SMPD3: variants seen among roughly 807,000 people sequenced by gnomAD.
SMPD3 encodes nSMase-2.
SMPD3 carries 21 observed loss-of-function variants against 55.7 expected under a neutral mutation model. The ratio of observed to expected loss-of-function variants is 0.38; its 90% CI spans 0.27 to 0.54. The LOEUF (loss-of-function observed/expected upper bound fraction) is 0.54, where lower values mean the gene tolerates loss of function less well. Among genes scored for constraint, SMPD3 ranks in the 20% least tolerant of loss-of-function variants. The pLI is 0.80. For missense variants in SMPD3, 842 were observed against 899.6 expected (o/e 0.94, Z 0.82); for synonymous variants, 457 against 404.3 (o/e 1.13, Z -1.56).
At chr16:68,420,905 G>A (rs960067528) in intron 1 of SMPD3, among the ~76,000 whole-genome samples, 2 of 152,294 alleles carry the variant, frequency 1.3e-5, no homozygotes, top group South Asian at 2.1e-4. Flanking sequence ...AGACCAAATC[G>A]CTCCCTCAGC....
At chr16:68,440,303 C>T (rs1266021027) in intron 1 of SMPD3, among the ~76,000 whole-genome samples, 1 of 152,130 alleles carries the variant, frequency 6.6e-6, no homozygotes, top group Non-Finnish European at 1.5e-5. Flanking sequence ...CTCAGGTGAT[C>T]CTCCCACCTC....
At chr16:68,433,082 G>A (rs185831333) in intron 1 of SMPD3, among the ~76,000 whole-genome samples, 1 of 152,290 alleles carries the variant, frequency 6.6e-6, no homozygotes, top group Admixed American at 6.5e-5. Context: ...GGGATTACAG[G>A]CATGAGCCAC....
At chr16:68,396,705 C>T (rs2090160737) in intron 1 of SMPD3, among the ~76,000 whole-genome samples, 1 of 152,212 alleles carries the variant, frequency 6.6e-6, no homozygotes. Context: ...CCAGAAGGTT[C>T]GATTCCCTTT....
rs750082736 is a variant in SMPD3 at position 68,361,156 on chromosome 16, G to A, written c.*50C>T. On this transcript the variant is annotated 3_prime_UTR_variant, in exon 9 of 9. Coordinates refer to ENST00000219334, the MANE Select transcript of SMPD3 (RefSeq NM_018667.4). ...CTCGATGGAGGGGACATGGCCCAGG[G>A]ATGGGCTGCAGCTGCAAGGGCTGGC... 1.3e-6 allele frequency: 2 copies of A among 1,546,718 alleles called. No individual in the cohort carries two copies. The highest frequency in any genetic ancestry group is 2.3e-5 in the South Asian group (2 of 87,364).
At chr16:68,402,576 A>C (rs1366611790) in intron 1 of SMPD3, among the ~76,000 whole-genome samples, 2 of 151,980 alleles carry the variant, frequency 1.3e-5, no homozygotes, top group Non-Finnish European at 2.9e-5. Context: ...CTGAATGTTC[A>C]AGTTTATCCT....
intron 1 of SMPD3, among the ~76,000 whole-genome samples, chr16:68,418,295 A>T (rs756727706): frequency 1.3e-5 from 2 of 151,896 alleles, no homozygotes; most frequent in African/African-American, 4.8e-5. Context: ...TCAAATACCC[A>T]CAAGAGAAAT....
chr16:68,444,785 C>G (rs1224111511), intron 1 of SMPD3, among the ~76,000 whole-genome samples: 1 of 152,178 alleles, frequency 6.6e-6, no homozygotes, highest in Non-Finnish European at 1.5e-5. Context: ...ATTTATGAGG[C>G]AATTTAGCTT....
intron 1 of SMPD3, among the ~76,000 whole-genome samples, chr16:68,445,113 G>T (rs1343690147): frequency 2.6e-5 from 4 of 152,246 alleles, no homozygotes; most frequent in African/African-American, 9.6e-5. Flanking sequence ...GGCCTGGAAA[G>T]CCGTATTTGC....
chr16:68,360,951 T>A lies in SMPD3; in HGVS notation c.*255A>T, dbSNP rs1250925353. ...TTACAAACTCGGTTGTGCTGTAGAT[T>A]TGTAGAAAATCGTGTTGTGAAAGAA... On this transcript the variant is annotated 3_prime_UTR_variant, in exon 9 of 9. Transcript: ENST00000219334. 1 of 489,612 alleles carries A rather than the reference T, an allele frequency of 2.0e-6. No individual in the cohort carries two copies. Among genetic ancestry groups the A allele is most frequent in the Admixed American group, 3.8e-5 (1 of 26,590 alleles). The allele number at this position is 489,612 out of a possible 1,614,324, so 30.3% of individuals were successfully genotyped here.
chr16:68,422,542 G>A (rs903311317), intron 1 of SMPD3, among the ~76,000 whole-genome samples: 4 of 152,174 alleles, frequency 2.6e-5, no homozygotes, highest in African/African-American at 9.7e-5. Flanking sequence ...AACAGTACAG[G>A]CCCAGCTGCT....
At chr16:68,400,079 G>A (rs1338641334) in intron 1 of SMPD3, among the ~76,000 whole-genome samples, 4 of 152,238 alleles carry the variant, frequency 2.6e-5, no homozygotes, top group African/African-American at 9.6e-5. Flanking sequence ...CAGTGGAGGA[G>A]CTGGGATTTG....
At chr16:68,366,174 G>A (rs781351554) in intron 3 of SMPD3, among the ~76,000 whole-genome samples, 5 of 152,252 alleles carry the variant, frequency 3.3e-5, no homozygotes, top group Admixed American at 2.0e-4. Flanking sequence ...GCAGAGGGCC[G>A]CAGGGTGGGT....
At chr16:68,385,702 G>T (rs1352331687) in intron 2 of SMPD3, among the ~76,000 whole-genome samples, 1 of 152,144 alleles carries the variant, frequency 6.6e-6, no homozygotes, top group East Asian at 1.9e-4. Flanking sequence ...CTAGTCTGAG[G>T]TTCCTGACTG....
intron 1 of SMPD3, among the ~76,000 whole-genome samples, chr16:68,417,133 T>C (rs1287921865): frequency 1.3e-5 from 2 of 152,102 alleles, no homozygotes; most frequent in African/African-American, 4.8e-5. Context: ...TTCTGAATGA[T>C]TGGCAGATGG....
At chr16:68,403,014 G>T (rs2090224780) in intron 1 of SMPD3, among the ~76,000 whole-genome samples, 1 of 152,174 alleles carries the variant, frequency 6.6e-6, no homozygotes, top group Non-Finnish European at 1.5e-5. Flanking sequence ...ACTGTGTCAG[G>T]GTGCAGCACA....
At chr16:68,361,558 GCT>G (rs745500422) in intron 8 of SMPD3, 43 bp downstream of exon 8, 129 of 1,597,686 alleles carry the variant, frequency 8.1e-5, no homozygotes, top group Non-Finnish European at 8.7e-5. Flanking sequence ...CCCGGGCCCT[GCT>G]CTCTCTTTGC....
intron 2 of SMPD3, among the ~76,000 whole-genome samples, chr16:68,376,038 C>T (rs188321288): frequency 6.6e-6 from 1 of 152,360 alleles, no homozygotes; most frequent in Admixed American, 6.5e-5. Context: ...AAGGGATTGC[C>T]ACCCATGGAG....
intron 1 of SMPD3, among the ~76,000 whole-genome samples, chr16:68,416,514 T>C (rs2090341055): frequency 6.6e-6 from 1 of 152,230 alleles, no homozygotes; most frequent in South Asian, 2.1e-4. Flanking sequence ...GTTGTTGTCT[T>C]CTAACCCTAG....
chr16:68,446,571 A>T (rs762854449), intron 1 of SMPD3, among the ~76,000 whole-genome samples: 1 of 152,190 alleles, frequency 6.6e-6, no homozygotes, highest in Non-Finnish European at 1.5e-5. Context: ...ACTGAAACAC[A>T]CATGGGTACA....
Sources: allele counts gnomAD v4.1 joint callset (sites outside exome capture counted in the v4.1 genomes callset), GRCh38; gene constraint gnomAD v4.1.1; transcripts MANE v1.5; gene names NCBI Gene and HGNC (gene_info 2026-07-23, HGNC 2026-07-21).